STON2: variants seen among roughly 807,000 people sequenced by gnomAD.
The protein encoded by STON2 is stonin 2, also known as stonin-2.
Under a neutral mutation model 65.7 loss-of-function variants are expected in STON2, and 29 were observed. The ratio of observed to expected loss-of-function variants is 0.44; its 90% confidence interval spans 0.33 to 0.60. The LOEUF is 0.60. STON2 is among the 20% of genes least tolerant of loss of function. The pLI is 0.03. For synonymous variants in STON2, 404 were observed against 414.2 expected (o/e 0.98, Z 0.30); for missense variants, 1,054 against 1,118.1 (o/e 0.94, Z 0.82).
Position 81,411,348 on chromosome 14 carries a change from A to C in STON2, c.-198-12768T>G, listed in dbSNP as rs569454016. Among the ~76,000 whole-genome samples, 19 of 152,210 alleles carry C rather than the reference A, an allele frequency of 1.2e-4. No individual in the cohort carries two copies. The South Asian group carries it at 3.9e-3, about 32-fold the overall frequency. ...TATCTTCTCTCACACTCTTTCCTTA[A>C]ATAGGATATTTATTCATTCATCCAA... is the stretch of plus-strand genomic sequence containing the variant. On this transcript the variant is annotated intron_variant, in intron 2 of 8. Coordinates refer to the STON2 transcript ENST00000553821.
chr14:81,406,327 G>A (rs1461226296), intron 2 of STON2, among the ~76,000 whole-genome samples: 4 of 152,050 alleles, frequency 2.6e-5, no homozygotes, highest in South Asian at 2.1e-4. Flanking sequence ...GCTTTGCTAG[G>A]GTAGCTTAAA....
intron 4 of STON2, among the ~76,000 whole-genome samples, chr14:81,356,072 T>C (rs1415800039): frequency 1.8e-3 from 277 of 151,472 alleles, no homozygotes; most frequent in Non-Finnish European, 2.7e-3. Flanking sequence ...GAGAGGGCAT[T>C]CCTGTCTTGT....
chr14:81,314,438 C>T (rs1195141163), intron 5 of STON2, among the ~76,000 whole-genome samples: 2 of 152,218 alleles, frequency 1.3e-5, no homozygotes, highest in Non-Finnish European at 2.9e-5. Context: ...AAGAAAGGCT[C>T]AATATGTCCA....
At chr14:81,383,491 T>A (rs1231642502) in intron 3 of STON2, among the ~76,000 whole-genome samples, 1 of 152,218 alleles carries the variant, frequency 6.6e-6, no homozygotes, top group Non-Finnish European at 1.5e-5. Flanking sequence ...GCTCCTGTTA[T>A]TCCCTCCAAA....
intron 1 of STON2, among the ~76,000 whole-genome samples, chr14:81,433,884 T>C (rs1902309402): frequency 6.6e-6 from 1 of 152,192 alleles, no homozygotes; most frequent in Non-Finnish European, 1.5e-5. Context: ...TTATTTACCG[T>C]TAAACTGACT....
intron 1 of STON2, chr14:81,427,427 T>C (rs1447665719): frequency 6.6e-6 from 1 of 152,160 alleles, no homozygotes; most frequent in Non-Finnish European, 1.5e-5. Flanking sequence ...GAGTCTGATA[T>C]GCGACAGCAA....
chr14:81,264,358 G>T lies in STON2; in HGVS notation c.*4056C>A, dbSNP rs1050618116. The T allele has an allele frequency of 3.7e-5, 36 of 985,346 alleles. No individual in the cohort carries two copies. The highest frequency in any genetic ancestry group is 6.1e-5 in the Admixed American group (1 of 16,272). 61.0% of individuals were successfully genotyped at this position (985,346 alleles called of 1,614,324 possible). On this transcript the variant is annotated 3_prime_UTR_variant, in exon 8 of 8. Coordinates refer to ENST00000614646, the MANE Select transcript of STON2 (RefSeq NM_001394390.1). ...CTTGCTGGCTTTATTATGAGTATTT[G>T]ATGATAAGTAAGGGTTAAGTAGCCT...
Position 81,277,598 on chromosome 14 carries a change from A to G in STON2, c.1884T>C (p.Ile628=). The change falls in exon 6 of 8, where the codon ATT becomes ATC. Residue 628 remains isoleucine (I), a synonymous_variant. Transcript: ENST00000614646. The part of the protein sequence containing the change: ...TVGLNYLEEE[I]TVDVRDEFSG... ...AGAATTCATCTCTGACATCCACTGT[A>G]ATCTCCTCTTCAAGGTAGTTGAGGC... 2 of 1,614,132 alleles carry G rather than the reference A, an allele frequency of 1.2e-6. No homozygotes were observed. Among genetic ancestry groups the G allele is most frequent in the Middle Eastern group, 1.6e-4 (1 of 6,062 alleles).
At chr14:81,281,950 A>G (rs771367484) in intron 5 of STON2, among the ~76,000 whole-genome samples, 2 of 152,226 alleles carry the variant, frequency 1.3e-5, no homozygotes, top group African/African-American at 2.4e-5. Context: ...CCATAATTGC[A>G]TGTATTTTTA....
chr14:81,366,342 G>A (rs549277729), intron 4 of STON2, among the ~76,000 whole-genome samples: 24 of 152,240 alleles, frequency 1.6e-4, no homozygotes, highest in African/African-American at 5.3e-4. Context: ...CTCTGCTCTC[G>A]GCAGCCCACT....
chr14:81,402,328 C>T (rs1267555820), upstream of STON2, among the ~76,000 whole-genome samples: 2 of 152,140 alleles, frequency 1.3e-5, no homozygotes, highest in Non-Finnish European at 2.9e-5. Flanking sequence ...ATTCTAGGGC[C>T]TGAGGGTCAA....
chr14:81,363,108 G>C (rs1436488873), intron 4 of STON2, among the ~76,000 whole-genome samples: 1 of 152,204 alleles, frequency 6.6e-6, no homozygotes, highest in Admixed American at 6.5e-5. Flanking sequence ...GCCCAGGAAA[G>C]AGACTTGGGT....
chr14:81,400,054 T>C (rs1200993093), intron 1 of STON2, among the ~76,000 whole-genome samples: 1 of 152,128 alleles, frequency 6.6e-6, no homozygotes, highest in Admixed American at 6.6e-5. Flanking sequence ...ACATATAGAC[T>C]ATCACCCAAC....
intron 2 of STON2, among the ~76,000 whole-genome samples, chr14:81,426,019 A>G (rs1046384100): frequency 3.3e-5 from 5 of 152,244 alleles, no homozygotes; most frequent in Non-Finnish European, 7.3e-5. Flanking sequence ...ACAAATTTAC[A>G]TGAACGGTGA....
intron 2 of STON2, among the ~76,000 whole-genome samples, chr14:81,408,969 T>A (rs80314247): frequency 6.6e-6 from 1 of 152,228 alleles, no homozygotes; most frequent in Non-Finnish European, 1.5e-5. Flanking sequence ...TTAACTCCAC[T>A]TCATATTTTT....
At chr14:81,315,845 A>G (rs1386207687) in intron 5 of STON2, among the ~76,000 whole-genome samples, 2 of 152,254 alleles carry the variant, frequency 1.3e-5, no homozygotes, top group East Asian at 1.9e-4. Context: ...TTATTGCTCA[A>G]ACAACAATAT....
chr14:81,347,160 AATTGATAAACCT>A (rs1897840162), intron 4 of STON2, among the ~76,000 whole-genome samples: 1 of 152,052 alleles, frequency 6.6e-6, no homozygotes, highest in Admixed American at 6.5e-5. Context: ...AGATAAAGAA[AATTGATAAACCT>A]TTAGCTAGAC....
intron 3 of STON2, among the ~76,000 whole-genome samples, chr14:81,386,166 G>A (rs747208712): frequency 6.6e-6 from 1 of 152,050 alleles, no homozygotes; most frequent in African/African-American, 2.4e-5. Context: ...CCTCTGAGAC[G>A]GACTCCACAA....
intron 4 of STON2, among the ~76,000 whole-genome samples, chr14:81,354,729 G>C (rs1327123093): frequency 6.6e-6 from 1 of 152,082 alleles, no homozygotes; most frequent in Non-Finnish European, 1.5e-5. Flanking sequence ...AGTGAAAAAT[G>C]CAACAGAGGC....
Sources: allele counts gnomAD v4.1 joint callset (sites outside exome capture counted in the v4.1 genomes callset), GRCh38; gene constraint gnomAD v4.1.1; transcripts MANE v1.5; gene names NCBI Gene and HGNC (gene_info 2026-07-23, HGNC 2026-07-21).